Variants in C8A observed in about 807,000 individuals in gnomAD.
The protein encoded by C8A is complement component C8 alpha chain.
C8A carries 67 observed loss-of-function variants against 65.3 expected under a neutral mutation model. The ratio of observed to expected loss-of-function variants is 1.03; its 90% CI spans 0.84 to 1.26. The LOEUF is 1.26. Ranked by LOEUF, C8A falls within the 50% of genes most tolerant of loss-of-function variation. The pLI is 0.00. For missense variants in C8A, 781 were observed against 723.9 expected (o/e 1.08, Z -0.90); for synonymous variants, 290 against 259.4 (o/e 1.12, Z -1.13).
chr1:56,859,131 T>G (rs1644005758), intron 1 of C8A, among the ~76,000 whole-genome samples: 2 of 152,220 alleles, frequency 1.3e-5, no homozygotes, highest in African/African-American at 4.8e-5. Context: ...CTTTGTTGGT[T>G]TGAATTCTGG....
Position 56,889,797 on chromosome 1 carries a change from T to G in C8A, c.1096+3630T>G, listed in dbSNP as rs150681436. 9.0e-3 allele frequency among the ~76,000 whole-genome samples: 1,367 copies of G among 152,238 alleles called. 54 individuals carry two copies. The South Asian group carries it at 0.12, about 13-fold the overall frequency. On this transcript the variant is annotated intron_variant, in intron 7 of 10. Coordinates refer to ENST00000361249, the MANE Select transcript of C8A (RefSeq NM_000562.3). ...GATGCACGAGGCTGTTTTCTTCTAA[T>G]GTGCCCTTTAGATCACATGCTTCTC...
chr1:56,878,884 G>A lies in C8A; in HGVS notation c.465-2561G>A, dbSNP rs548755420. 2.6e-5 allele frequency among the ~76,000 whole-genome samples: 4 copies of A among 152,156 alleles called. No homozygotes were observed. The South Asian group carries it at 8.3e-4, about 32-fold the overall frequency. Reference sequence around the variant, plus strand: ...TGTGTACTGGGCATTATAGACACAGGTATATTTTACATAAATGTGATCATG... The same window carrying A: ...TGTGTACTGGGCATTATAGACACAGATATATTTTACATAAATGTGATCATG... On this transcript the variant is annotated intron_variant, in intron 4 of 10. Coordinates refer to ENST00000361249, the MANE Select transcript of C8A (RefSeq NM_000562.3).
chr1:56,860,009 G>T (rs1009529478), intron 1 of C8A, among the ~76,000 whole-genome samples: 32 of 152,312 alleles, frequency 2.1e-4, no homozygotes, highest in Non-Finnish European at 2.9e-4. Context: ...GCTGCAGGGA[G>T]CCGAGATCGT....
chr1:56,863,175 C>G (rs1644050715), intron 1 of C8A, among the ~76,000 whole-genome samples: 1 of 152,020 alleles, frequency 6.6e-6, no homozygotes, highest in East Asian at 1.9e-4. Flanking sequence ...AAATTTGGGG[C>G]AATTCTTTTC....
At chr1:56,898,341 G>A (rs1644401105) in intron 7 of C8A, among the ~76,000 whole-genome samples, 1 of 152,102 alleles carries the variant, frequency 6.6e-6, no homozygotes, top group African/African-American at 2.4e-5. Context: ...AAGCAAGAGA[G>A]CCTCTGCGTC....
At chr1:56,870,432 C>T (rs1459445314) in intron 2 of C8A, among the ~76,000 whole-genome samples, 1 of 152,120 alleles carries the variant, frequency 6.6e-6, no homozygotes, top group East Asian at 1.9e-4. Context: ...GGTCACGTTG[C>T]TGCCTCATCT....
intron 10 of C8A, among the ~76,000 whole-genome samples, chr1:56,916,086 C>T (rs1644548832): frequency 1.3e-5 from 2 of 152,236 alleles, no homozygotes; most frequent in Admixed American, 1.3e-4. Flanking sequence ...CGTGCCTCTC[C>T]ATGGTCCAGT....
intron 7 of C8A, among the ~76,000 whole-genome samples, chr1:56,904,477 G>T (rs1557713633): frequency 6.6e-6 from 1 of 152,138 alleles, no homozygotes; most frequent in African/African-American, 2.4e-5. Flanking sequence ...TGTCTACATT[G>T]CCCAATATGC....
intron 10 of C8A, among the ~76,000 whole-genome samples, chr1:56,915,556 C>A (rs1168989616): frequency 1.3e-5 from 2 of 152,188 alleles, no homozygotes; most frequent in African/African-American, 4.8e-5. Flanking sequence ...AGGCAGCATT[C>A]CCAAGGGGAC....
intron 7 of C8A, among the ~76,000 whole-genome samples, chr1:56,897,966 A>G (rs960813294): frequency 1.3e-5 from 2 of 152,172 alleles, no homozygotes; most frequent in Non-Finnish European, 2.9e-5. Flanking sequence ...AATACAGTAG[A>G]AGCACAAAGG....
chr1:56,894,934 ATTTTG>A (rs1340107732), intron 7 of C8A, among the ~76,000 whole-genome samples: 5 of 152,126 alleles, frequency 3.3e-5, no homozygotes, highest in Non-Finnish European at 5.9e-5. Flanking sequence ...CTTATTCACT[ATTTTG>A]TTTTAATACA....
In C8A at chr1:56,900,450, T is replaced by C. The variant is rs147209048; in HGVS notation, c.1097-6217T>C. Among the ~76,000 whole-genome samples the C allele has an allele frequency of 3.9e-5, 6 of 152,288 alleles. No homozygotes were observed. In the East Asian group the frequency reaches 1.2e-3, roughly 29 times the overall value. On this transcript the variant is annotated intron_variant, in intron 7 of 10. Coordinates refer to ENST00000361249, the MANE Select transcript of C8A (RefSeq NM_000562.3). ...ATTGGGAGTATGAGGCAGAAAGCCA[T>C]TAAATGAGTTACTCAAGTCACTACC...
At chr1:56,899,939 G>T (rs1193104096) in intron 7 of C8A, among the ~76,000 whole-genome samples, 2 of 152,194 alleles carry the variant, frequency 1.3e-5, no homozygotes, top group East Asian at 3.9e-4. Context: ...TTGGACAGGG[G>T]TGGCATTCCA....
intron 7 of C8A, among the ~76,000 whole-genome samples, chr1:56,890,829 G>C (rs766493313): frequency 2.6e-5 from 4 of 152,010 alleles, no homozygotes; most frequent in Non-Finnish European, 4.4e-5. Flanking sequence ...GACCTTTCCT[G>C]ACCATGTAGT....
At chr1:56,868,885 T>C (rs991513950) in intron 2 of C8A, among the ~76,000 whole-genome samples, 1 of 152,212 alleles carries the variant, frequency 6.6e-6, no homozygotes, top group Admixed American at 6.5e-5. Context: ...AGTTTCATTA[T>C]GTATAAATTG....
At chr1:56,871,608 G>A (rs1261188318) in intron 2 of C8A, among the ~76,000 whole-genome samples, 1 of 152,190 alleles carries the variant, frequency 6.6e-6, no homozygotes, top group East Asian at 1.9e-4. Context: ...TATACAGTAG[G>A]TGGCAGAGCT....
intron 9 of C8A, among the ~76,000 whole-genome samples, chr1:56,908,748 T>C (rs1644485491): frequency 1.3e-5 from 2 of 152,184 alleles, no homozygotes; most frequent in Non-Finnish European, 2.9e-5. Flanking sequence ...AAACAGGCTC[T>C]GAAAAATCAA....
At position 56,875,991 on chromosome 1, in the gene C8A, C is replaced by T. The variant is rs540469171; in HGVS notation, c.317-71C>T. 62 of 1,564,190 alleles carry T rather than the reference C, an allele frequency of 4.0e-5. No homozygotes were observed. In the African/African-American group the frequency reaches 7.2e-4, roughly 18 times the overall value. ...AGGTTTATTTCTGAGGAAGAAAGGA[C>T]TTACTGATTGTGGGTGTGAGTCTGG... is the stretch of plus-strand genomic sequence containing the variant. On this transcript the variant is annotated intron_variant, in intron 3 of 10. Transcript: ENST00000361249.
Position 56,866,889 on chromosome 1 carries a change from G to C in C8A, c.78-720G>C, listed in dbSNP as rs964692472. On this transcript the variant is annotated intron_variant, in intron 1 of 10. Transcript: ENST00000361249. ...GGCTGATTCATAAAATGAGGCAGTA[G>C]CATGATGAGGAGCAGGAAATGGGTT... Among the ~76,000 whole-genome samples the C allele has an allele frequency of 2.0e-5, 3 of 152,176 alleles. No individual in the cohort carries two copies. In the South Asian group the frequency reaches 6.2e-4, roughly 32 times the overall value.
Sources: gnomAD v4.1 joint callset for allele counts (sites outside exome capture counted in the v4.1 genomes callset) on GRCh38, gnomAD v4.1.1 for gene constraint, MANE v1.5 for transcripts, NCBI Gene and HGNC (gene_info 2026-07-23, HGNC 2026-07-21) for gene names.